Variants in TNFRSF21 observed in about 807,000 individuals in gnomAD.
TNFRSF21 encodes TNF receptor superfamily member 21, also known as tumor necrosis factor receptor superfamily member 21.
TNFRSF21 carries 19 observed loss-of-function variants against 45.6 expected under a neutral mutation model. The observed-to-expected ratio is 0.42, with a 90% CI of 0.29 to 0.61. TNFRSF21 has a LOEUF of 0.61. Among genes scored for constraint, TNFRSF21 ranks in the 20% least tolerant of loss-of-function variants. The pLI is 0.23. For missense variants in TNFRSF21, 737 were observed against 851.5 expected (o/e 0.87, Z 1.67); for synonymous variants, 314 against 335.5 (o/e 0.94, Z 0.70).
chr6:47,252,270 T>G (rs938916500), intron 4 of TNFRSF21, among the ~76,000 whole-genome samples: 1 of 152,214 alleles, frequency 6.6e-6, no homozygotes, highest in Non-Finnish European at 1.5e-5. Flanking sequence ...GTAACAAATT[T>G]GGACCACTGG....
chr6:47,253,323 G>C lies in TNFRSF21; in HGVS notation c.1442C>G (p.Ala481Gly). ...PEASLAQLIS[A>G]LRQHRRNDVV... The stretch of plus-strand genomic sequence containing the variant: ...ATCGTTTCTCCGGTGCTGGCGCAGG[G>C]CGCTAATTAGCTGGGCGAGGCTGGC... Residue 481 changes from alanine to glycine, a missense_variant, in exon 4 of 6, where the codon GCC (alanine) becomes GGC (glycine). Coordinates refer to ENST00000296861, the MANE Select transcript of TNFRSF21 (RefSeq NM_014452.5). The C allele has an allele frequency of 6.2e-7, 1 of 1,613,948 alleles. No homozygotes were observed. The highest frequency in any genetic ancestry group is 8.5e-7 in the Non-Finnish European group (1 of 1,179,954).
At chr6:47,233,748 T>C (rs1029941681) in intron 5 of TNFRSF21, among the ~76,000 whole-genome samples, 1 of 151,454 alleles carries the variant, frequency 6.6e-6, no homozygotes, top group African/African-American at 2.4e-5. Context: ...AAATATAACA[T>C]TTTATAAATA....
chr6:47,254,139 A>G (rs920894796), intron 3 of TNFRSF21, among the ~76,000 whole-genome samples: 5 of 152,138 alleles, frequency 3.3e-5, no homozygotes, highest in Admixed American at 3.3e-4. Context: ...ATATTAAGTA[A>G]AATAAGGGTG....
chr6:47,234,599 G>A (rs961741797), intron 5 of TNFRSF21, 71 bp downstream of exon 5: 6 of 1,249,194 alleles, frequency 4.8e-6, no homozygotes, highest in African/African-American at 4.5e-5. Context: ...ACTGTGGACG[G>A]GGAGGGACGA....
Position 47,269,062 on chromosome 6 carries a change from C to A in TNFRSF21, c.1243+14876G>T, listed in dbSNP as rs151273407. 7.0e-3 allele frequency among the ~76,000 whole-genome samples: 1,070 copies of A among 152,262 alleles called. 4 individuals carry two copies. The highest frequency in any genetic ancestry group is 0.012 in the Non-Finnish European group (815 of 68,022). The stretch of plus-strand genomic sequence containing the variant: ...CTGTCTCGAGAATTAGAGAGCCAGG[C>A]CTTGGCTTCCCTCTAACCCTACTGG... On this transcript the variant is annotated intron_variant, in intron 3 of 5. Transcript: ENST00000296861.
intron 1 of TNFRSF21, among the ~76,000 whole-genome samples, chr6:47,298,087 T>C (rs1762814515): frequency 6.6e-6 from 1 of 152,022 alleles, no homozygotes; most frequent in Non-Finnish European, 1.5e-5. Context: ...TTACTATTAA[T>C]AAGTACATTA....
At chr6:47,303,603 C>T (rs977920897) in intron 1 of TNFRSF21, among the ~76,000 whole-genome samples, 2 of 152,166 alleles carry the variant, frequency 1.3e-5, no homozygotes, top group Non-Finnish European at 2.9e-5. Flanking sequence ...TTTGAGTCAA[C>T]AGCCTAAGTA....
Position 47,234,814 on chromosome 6 carries a change from T to C in TNFRSF21, c.1594A>G (p.Asn532Asp), listed in dbSNP as rs1764640682. The C allele has an allele frequency of 6.4e-7, 1 of 1,561,014 alleles. No homozygotes were observed. The highest frequency in any genetic ancestry group is 2.0e-5 in the Admixed American group (1 of 49,910). Reference protein sequence around the residue: ...PIPSPNAKLENSALLTVEPSP... With the variant: ...PIPSPNAKLEDSALLTVEPSP... ...GGCTCCACCGTCAGGAGAGCGGAATTCTCAAGTTTCGCGTTGGGGCTGGGG... is the reference window on the plus strand; with the variant it reads ...GGCTCCACCGTCAGGAGAGCGGAATCCTCAAGTTTCGCGTTGGGGCTGGGG... Residue 532 changes from asparagine (N) to aspartate (D), a missense_variant, in exon 5 of 6, where the codon AAT (asparagine) becomes GAT (aspartate). Coordinates refer to ENST00000296861, the MANE Select transcript of TNFRSF21 (RefSeq NM_014452.5).
At chr6:47,267,325 C>G (rs1762349395) in intron 3 of TNFRSF21, among the ~76,000 whole-genome samples, 1 of 152,120 alleles carries the variant, frequency 6.6e-6, no homozygotes, top group South Asian at 2.1e-4. Context: ...GTCTCGAACT[C>G]CTGACCTCAA....
intron 3 of TNFRSF21, among the ~76,000 whole-genome samples, chr6:47,256,960 C>T (rs1411834464): frequency 6.6e-6 from 1 of 152,166 alleles, no homozygotes; most frequent in African/African-American, 2.4e-5. Flanking sequence ...TCCATTTCCT[C>T]ATGTGTACAA....
chr6:47,273,181 T>A (rs1357830410), intron 3 of TNFRSF21, among the ~76,000 whole-genome samples: 1 of 152,188 alleles, frequency 6.6e-6, no homozygotes, highest in African/African-American at 2.4e-5. Flanking sequence ...AGCATCATCT[T>A]GATACCAAGG....
intron 3 of TNFRSF21, 31 bp downstream of exon 3, chr6:47,283,907 T>C: frequency 1.9e-6 from 3 of 1,591,234 alleles, no homozygotes; most frequent in Non-Finnish European, 2.6e-6. Context: ...TAGAGAGATC[T>C]GTGAGCAAGG....
chr6:47,249,113 C>A (rs1764864259), intron 4 of TNFRSF21, among the ~76,000 whole-genome samples: 2 of 152,084 alleles, frequency 1.3e-5, no homozygotes, highest in Non-Finnish European at 2.9e-5. Context: ...GGTTAGATGG[C>A]GATCCAGCAC....
intron 5 of TNFRSF21, among the ~76,000 whole-genome samples, 166 bp from the exon 6 acceptor site, chr6:47,233,160 G>A (rs112212278): frequency 2.0e-5 from 3 of 152,214 alleles, no homozygotes; most frequent in South Asian, 2.1e-4. Context: ...TGGCACATTC[G>A]AAACAACACA....
At chr6:47,264,733 G>A (rs956756968) in intron 3 of TNFRSF21, among the ~76,000 whole-genome samples, 2 of 152,142 alleles carry the variant, frequency 1.3e-5, no homozygotes, top group African/African-American at 4.8e-5. Context: ...AACACCCTAA[G>A]AGGTTAAAGA....
chr6:47,254,969 T>C (rs1202061445), intron 3 of TNFRSF21, among the ~76,000 whole-genome samples: 3 of 152,152 alleles, frequency 2.0e-5, no homozygotes, highest in African/African-American at 4.8e-5. Flanking sequence ...AACTCACCAG[T>C]TTTGTAATTC....
chr6:47,282,672 G>T (rs1276149659), intron 3 of TNFRSF21, among the ~76,000 whole-genome samples: 1 of 152,092 alleles, frequency 6.6e-6, no homozygotes, highest in Non-Finnish European at 1.5e-5. Context: ...TTGTCACTTT[G>T]GCATATTTCC....
At chr6:47,238,315 G>A (rs1347916188) in intron 4 of TNFRSF21, among the ~76,000 whole-genome samples, 3 of 152,246 alleles carry the variant, frequency 2.0e-5, no homozygotes, top group Admixed American at 6.5e-5. Flanking sequence ...CAATAAGGCA[G>A]ATATTAAGAA....
intron 1 of TNFRSF21, among the ~76,000 whole-genome samples, chr6:47,300,650 C>A (rs2113870341): frequency 6.6e-6 from 1 of 152,250 alleles, no homozygotes; most frequent in East Asian, 1.9e-4. Flanking sequence ...TGTCCCCATT[C>A]ACTGAGCAGC....
Sources: gnomAD v4.1 joint callset for allele counts (sites outside exome capture counted in the v4.1 genomes callset) on GRCh38, gnomAD v4.1.1 for gene constraint, MANE v1.5 for transcripts, NCBI Gene and HGNC (gene_info 2026-07-23, HGNC 2026-07-21) for gene names.